The following NAALADL2 variants were observed in gnomAD, a reference collection of about 807,000 sequenced individuals.
NAALADL2 encodes the protein inactive N-acetylated-alpha-linked acidic dipeptidase-like protein 2.
Under a neutral mutation model 87.2 loss-of-function variants are expected in NAALADL2, and 76 were observed. The ratio of observed to expected loss-of-function variants is 0.87; its 90% CI spans 0.72 to 1.05. The LOEUF is 1.05. Among genes scored for constraint, NAALADL2 ranks in the 50% least tolerant of loss-of-function variants. The pLI is 0.00. For missense variants in NAALADL2, 1,089 were observed against 945.8 expected, an observed-to-expected ratio of 1.15 and a Z score of -1.99; for synonymous variants, 354 against 331.0, an observed-to-expected ratio of 1.07 and a Z score of -0.75.
intron 3 of NAALADL2, among the ~76,000 whole-genome samples, chr3:174,779,371 T>C (rs539096788): frequency 1.3e-5 from 2 of 152,300 alleles, no homozygotes; most frequent in Non-Finnish European, 1.5e-5. Flanking sequence ...ATTCTGGACA[T>C]AAGCCCTTTA....
chr3:175,149,243 G>A (rs1476391818), intron 2 of NAALADL2, among the ~76,000 whole-genome samples: 3 of 152,084 alleles, frequency 2.0e-5, no homozygotes, highest in Admixed American at 1.3e-4. Context: ...AAAATGTTCA[G>A]TTAAGCATAG....
In NAALADL2 at chr3:174,599,609, C is replaced by A. The variant is rs575148975; in HGVS notation, c.-115+48972C>A. Among the ~76,000 whole-genome samples, 9 of 152,166 alleles carry A rather than the reference C, an allele frequency of 5.9e-5. No individual in the cohort carries two copies. In the South Asian group the frequency reaches 1.9e-3, roughly 32 times the overall value. ...AGCTAGATCATTAGAAATACTGATA[C>A]CTGATTATTTTCAAATATGTGGGGA... On this transcript the variant is annotated intron_variant, in intron 2 of 3. Coordinates refer to the NAALADL2 transcript ENST00000434257.
chr3:175,160,446 A>G (rs903205155), intron 2 of NAALADL2, among the ~76,000 whole-genome samples: 3 of 115,166 alleles, frequency 2.6e-5, no homozygotes, highest in Non-Finnish European at 4.9e-5. Flanking sequence ...TCCACCTCCC[A>G]GTTTCAAGCA....
At chr3:175,324,847 G>A (rs759381805) in intron 5 of NAALADL2, among the ~76,000 whole-genome samples, 6 of 152,186 alleles carry the variant, frequency 3.9e-5, no homozygotes, top group Non-Finnish European at 7.3e-5. Flanking sequence ...GCCAATCACT[G>A]GAAGTATAGA....
At chr3:175,512,776 G>C (rs1366391917) in intron 9 of NAALADL2, among the ~76,000 whole-genome samples, 3 of 152,142 alleles carry the variant, frequency 2.0e-5, no homozygotes, top group Non-Finnish European at 2.9e-5. Flanking sequence ...ACCTGCTTCT[G>C]CATGTTTCTT....
chr3:175,667,243 A>AAAGAAAGAGAG (rs1560943730), intron 11 of NAALADL2, among the ~76,000 whole-genome samples: 1 of 105,150 alleles, frequency 9.5e-6, no homozygotes, highest in Non-Finnish European at 2.1e-5. Flanking sequence ...AAGAAAGAAA[A>AAAGAAAGAGAG]AGAAAGAAAG....
chr3:175,693,926 C>A (rs1400432450), intron 11 of NAALADL2, among the ~76,000 whole-genome samples: 1 of 152,114 alleles, frequency 6.6e-6, no homozygotes, highest in African/African-American at 2.4e-5. Flanking sequence ...ATCTCTTGAC[C>A]TAGTGATTCA....
intron 13 of NAALADL2, among the ~76,000 whole-genome samples, chr3:175,757,620 AAT>A (rs1420145007): frequency 2.0e-5 from 3 of 152,202 alleles, no homozygotes; most frequent in African/African-American, 7.2e-5. Flanking sequence ...GTCTTTGGAA[AAT>A]ATACATTATT....
intron 1 of NAALADL2, among the ~76,000 whole-genome samples, chr3:174,926,684 CT>C (rs1736088075): frequency 6.6e-6 from 1 of 152,078 alleles, no homozygotes; most frequent in South Asian, 2.1e-4. Context: ...CAGGCCTGCC[CT>C]AAAAGAGCTC....
chr3:174,561,432 C>T (rs371085309), intron 2 of NAALADL2, among the ~76,000 whole-genome samples: 5 of 152,018 alleles, frequency 3.3e-5, no homozygotes, highest in South Asian at 4.2e-4. Flanking sequence ...GATCTCCTGA[C>T]CTTGTGATCC....
At chr3:175,727,580 A>G (rs1583029890) in intron 11 of NAALADL2, among the ~76,000 whole-genome samples, 2 of 152,212 alleles carry the variant, frequency 1.3e-5, no homozygotes, top group Admixed American at 1.3e-4. Context: ...TTGCTAAAAG[A>G]TAACCTACCA....
intron 2 of NAALADL2, among the ~76,000 whole-genome samples, chr3:174,690,225 A>C (rs10936814): frequency 0.092 from 13,980 of 152,174 alleles, 1,111 homozygotes; most frequent in East Asian, 0.38. Flanking sequence ...TATAAGCAAC[A>C]ATTTTTTGTG....
chr3:175,462,735 G>A (rs192884623), intron 6 of NAALADL2, among the ~76,000 whole-genome samples: 11 of 152,248 alleles, frequency 7.2e-5, no homozygotes, highest in Middle Eastern at 3.4e-3. Flanking sequence ...AGTCCTTCCT[G>A]TTTGGTGTCT....
intron 9 of NAALADL2, among the ~76,000 whole-genome samples, chr3:175,524,863 G>A (rs1733164155): frequency 6.6e-6 from 1 of 152,042 alleles, no homozygotes; most frequent in South Asian, 2.1e-4. Context: ...CATATTAAAA[G>A]CAAGATAATT....
At chr3:175,644,717 G>A (rs1292507335) in intron 11 of NAALADL2, among the ~76,000 whole-genome samples, 3 of 151,970 alleles carry the variant, frequency 2.0e-5, no homozygotes, top group Non-Finnish European at 2.9e-5. Flanking sequence ...GAGTATTCTT[G>A]TCCTTCACAT....
chr3:175,384,422 T>G (rs918801885), intron 5 of NAALADL2, among the ~76,000 whole-genome samples: 3 of 152,060 alleles, frequency 2.0e-5, no homozygotes, highest in African/African-American at 7.2e-5. Context: ...GAAAGATGCT[T>G]TATCATTATA....
At chr3:175,398,509 T>C (rs1193479033) in intron 5 of NAALADL2, among the ~76,000 whole-genome samples, 1 of 151,790 alleles carries the variant, frequency 6.6e-6, no homozygotes, top group African/African-American at 2.4e-5. Flanking sequence ...TAGGGCTAAG[T>C]TACTCTTAGA....
intron 2 of NAALADL2, among the ~76,000 whole-genome samples, chr3:174,605,950 C>T (rs1373427268): frequency 1.3e-5 from 2 of 152,072 alleles, no homozygotes; most frequent in African/African-American, 4.8e-5. Context: ...CTCACATGGC[C>T]GGATACTCCT....
intron 2 of NAALADL2, among the ~76,000 whole-genome samples, chr3:174,674,076 T>C (rs898792548): frequency 2.2e-4 from 34 of 152,124 alleles, no homozygotes; most frequent in Non-Finnish European, 4.1e-4. Context: ...TGCTGGCATC[T>C]GCTTAGGTTC....
Sources: gnomAD v4.1 joint callset for allele counts (sites outside exome capture counted in the v4.1 genomes callset) on GRCh38, gnomAD v4.1.1 for gene constraint, MANE v1.5 for transcripts, NCBI Gene and HGNC (gene_info 2026-07-23, HGNC 2026-07-21) for gene names.